The following AMBRA1 variants were observed in gnomAD, a reference collection of about 807,000 sequenced individuals.
The protein encoded by AMBRA1 is autophagy and beclin 1 regulator 1, also known as activating molecule in BECN1-regulated autophagy protein 1.
In AMBRA1, 47 loss-of-function variants were observed where a neutral mutation model predicts 125.4. That is an observed-to-expected ratio of 0.37 (90% CI 0.30 to 0.48). AMBRA1 has a LOEUF of 0.48. AMBRA1 is among the 20% of genes least tolerant of loss of function. AMBRA1 has a pLI of 0.99. For synonymous variants in AMBRA1, 626 were observed against 655.5 expected, an observed-to-expected ratio of 0.95 and a Z score of 0.69; for missense variants, 1,331 against 1,693.4, an observed-to-expected ratio of 0.79 and a Z score of 3.76.
intron 9 of AMBRA1, among the ~76,000 whole-genome samples, chr11:46,497,800 C>A (rs1353041501): frequency 6.6e-6 from 1 of 152,006 alleles, no homozygotes; most frequent in Non-Finnish European, 1.5e-5. Context: ...AGGCACAGTT[C>A]CAAATAACTA....
chr11:46,457,627 G>A (rs561600635), intron 11 of AMBRA1, among the ~76,000 whole-genome samples: 8 of 152,240 alleles, frequency 5.3e-5, no homozygotes, highest in Non-Finnish European at 1.0e-4. Context: ...TGGGCCAGGC[G>A]CAGTGGCTCA....
intron 10 of AMBRA1, 50 bp downstream of exon 10, chr11:46,494,074 T>C: frequency 6.6e-7 from 1 of 1,512,126 alleles, no homozygotes; most frequent in Non-Finnish European, 9.0e-7. Flanking sequence ...TAAAACTAAA[T>C]CCTAGGCTCT....
chr11:46,549,476 G>T (rs578133406), intron 1 of AMBRA1, among the ~76,000 whole-genome samples: 13 of 152,136 alleles, frequency 8.5e-5, no homozygotes, highest in Non-Finnish European at 1.5e-4. Flanking sequence ...ATTGAGGTTG[G>T]TGTTTTTTTT....
At chr11:46,471,989 G>C (rs1949619105) in intron 11 of AMBRA1, among the ~76,000 whole-genome samples, 1 of 152,146 alleles carries the variant, frequency 6.6e-6, no homozygotes, top group Non-Finnish European at 1.5e-5. Context: ...TTTTACAAAA[G>C]AGTTGTGAAT....
At chr11:46,581,449 T>C (rs553731586) in intron 1 of AMBRA1, among the ~76,000 whole-genome samples, 2 of 151,852 alleles carry the variant, frequency 1.3e-5, no homozygotes, top group African/African-American at 4.8e-5. Flanking sequence ...CTACTAAAAA[T>C]ACAAAAAATT....
chr11:46,487,577 T>C (rs757839846), intron 11 of AMBRA1, among the ~76,000 whole-genome samples: 1 of 152,056 alleles, frequency 6.6e-6, no homozygotes, highest in Non-Finnish European at 1.5e-5. Context: ...TAGAAGGGAA[T>C]GGAGCCACAG....
rs1279143534 is a variant in AMBRA1 at position 46,542,237 on chromosome 11, C to T, written c.1780G>A (p.Gly594Ser). The T allele has an allele frequency of 2.5e-6, 4 of 1,614,096 alleles. No individual in the cohort carries two copies. The highest frequency in any genetic ancestry group is 3.4e-6 in the Non-Finnish European group (4 of 1,180,010). The part of the protein sequence containing the change: ...WERTTPNYSS[G>S]EASSSWQVPS... ...ACCTGCCAAGAGGAACTAGCCTCGC[C>T]AGAGGAGTAGTTAGGTGTGGTTCTT... Residue 594 changes from glycine (G) to serine (S), a missense_variant, in exon 7 of 18, where the codon GGC (glycine) becomes AGC (serine). By Grantham distance (56) the Gly-to-Ser change is moderately conservative. Around this residue, in one of 4 missense-constraint regions of AMBRA1, gnomAD observed 689 missense variants for 776.5 expected, o/e 0.89. Coordinates refer to ENST00000683756, the MANE Select transcript of AMBRA1 (RefSeq NM_001387011.1). This position sits in a 1 kb window ranked among gnomAD's most constrained non-coding sequence, Gnocchi z 5.9.
chr11:46,483,952 C>A (rs537880801), intron 11 of AMBRA1, among the ~76,000 whole-genome samples: 2 of 152,192 alleles, frequency 1.3e-5, no homozygotes, highest in South Asian at 2.1e-4. Context: ...TTATTAACTT[C>A]CAGCATTCAT....
At chr11:46,560,160 C>T (rs192022612) in intron 1 of AMBRA1, among the ~76,000 whole-genome samples, 325 of 152,236 alleles carry the variant, frequency 2.1e-3, no homozygotes, top group Middle Eastern at 6.8e-3. Flanking sequence ...ATACACAGTC[C>T]CTTTCTTTAT....
intron 1 of AMBRA1, among the ~76,000 whole-genome samples, chr11:46,557,903 T>G (rs1591117736): frequency 6.6e-6 from 1 of 151,078 alleles, no homozygotes; most frequent in Admixed American, 6.6e-5. Context: ...ACCCAGGAGG[T>G]GGGGGTTGCA....
intron 11 of AMBRA1, among the ~76,000 whole-genome samples, chr11:46,485,118 A>C (rs1268246858): frequency 6.6e-6 from 1 of 151,928 alleles, no homozygotes; most frequent in African/African-American, 2.4e-5. Flanking sequence ...TTGTATTTTT[A>C]GTAGAGACAG....
chr11:46,583,723 G>A (rs1335063845), intron 1 of AMBRA1, among the ~76,000 whole-genome samples: 6 of 130,018 alleles, frequency 4.6e-5, no homozygotes, highest in South Asian at 2.5e-4. Flanking sequence ...GACATGAACA[G>A]ACACTTCTGA....
intron 1 of AMBRA1, among the ~76,000 whole-genome samples, chr11:46,592,023 G>A (rs889677232): frequency 3.0e-5 from 4 of 132,824 alleles, no homozygotes; most frequent in African/African-American, 5.8e-5. Flanking sequence ...TCGGCTCACC[G>A]CAACCTCCGC....
At chr11:46,493,872 C>CT (rs1287056696) in intron 10 of AMBRA1, 164 bp from the exon 11 acceptor site, 1 of 650,824 alleles carries the variant, frequency 1.5e-6, no homozygotes, top group Non-Finnish European at 2.6e-6. Context: ...TTGTATCTAT[C>CT]TTTTTCTGCC....
chr11:46,433,705 G>C (rs61882703), intron 13 of AMBRA1, 77 bp from the exon 14 acceptor site: 18 of 1,452,406 alleles, frequency 1.2e-5, no homozygotes, highest in Admixed American at 4.0e-5. Flanking sequence ...TCTTACTCTT[G>C]TCTTTTTCTC....
chr11:46,547,350 T>C, intron 3 of AMBRA1, 54 bp from the exon 4 acceptor site: 3 of 1,494,682 alleles, frequency 2.0e-6, no homozygotes, highest in Non-Finnish European at 2.7e-6. Context: ...GGGTAACCAA[T>C]CTTATCAACT....
At chr11:46,446,361 T>A (rs928056281) in intron 11 of AMBRA1, among the ~76,000 whole-genome samples, 2 of 152,224 alleles carry the variant, frequency 1.3e-5, no homozygotes, top group African/African-American at 4.8e-5. Flanking sequence ...AACCATTTAG[T>A]AGGCCTCTGG....
intron 1 of AMBRA1, among the ~76,000 whole-genome samples, chr11:46,562,360 C>A (rs1843817952): frequency 6.6e-6 from 1 of 152,316 alleles, no homozygotes; most frequent in Non-Finnish European, 1.5e-5. Context: ...CAGGTTGGTA[C>A]TAGCAGACCA....
intron 9 of AMBRA1, among the ~76,000 whole-genome samples, chr11:46,503,270 G>A (rs1476952406): frequency 6.6e-6 from 1 of 151,924 alleles, no homozygotes; most frequent in Non-Finnish European, 1.5e-5. Flanking sequence ...ATATTAAATG[G>A]CCTAATTTCA....
Sources: gnomAD v4.1 joint callset for allele counts (sites outside exome capture counted in the v4.1 genomes callset) on GRCh38, gnomAD v4.1.1 for gene constraint, gnomAD v4.1.1 regional missense constraint, Gnocchi (gnomAD v3.1) non-coding constraint, MANE v1.5 for transcripts, NCBI Gene and HGNC (gene_info 2026-07-23, HGNC 2026-07-21) for gene names.